AR: variants seen among roughly 807,000 people sequenced by gnomAD.
The protein encoded by AR is androgen receptor, also known as dihydrotestosterone receptor.
AR carries 8 observed loss-of-function variants against 53.9 expected under a neutral mutation model. The observed-to-expected ratio is 0.15, with a 90% confidence interval of 0.09 to 0.27. The LOEUF (loss-of-function observed/expected upper bound fraction) is 0.27, where lower values mean the gene tolerates loss of function less well. AR is among the 10% of genes least tolerant of loss of function. The pLI, the probability that AR is intolerant of heterozygous loss-of-function variation, is 1.00. For synonymous variants in AR, 359 were observed against 316.4 expected, an observed-to-expected ratio of 1.13 and a Z score of -1.43; for missense variants, 639 against 742.5, an observed-to-expected ratio of 0.86 and a Z score of 1.62.
At chrX:67,680,073 TATTTTG>T (rs775761969) in intron 2 of AR, among the ~76,000 whole-genome samples, 253 of 112,297 alleles carry the variant, frequency 2.3e-3, no homozygotes, top group African/African-American at 7.8e-3. Context: ...ATTTGGAATT[TATTTTG>T]ATTTTAACTA....
chrX:67,635,580 C>A (rs756357417), intron 1 of AR, among the ~76,000 whole-genome samples: 1 of 110,163 alleles, frequency 9.1e-6, no homozygotes, highest in East Asian at 2.9e-4. Flanking sequence ...GGAAAGGAGT[C>A]AGGGAGAGAG....
At chrX:67,660,326 C>T (rs185134364) in intron 2 of AR, among the ~76,000 whole-genome samples, 1,343 of 111,693 alleles carry the variant, frequency 0.012, 15 homozygotes, top group Non-Finnish European at 0.02. Flanking sequence ...AGGTTTTCTT[C>T]TAGGGTTTTT....
intron 1 of AR, among the ~76,000 whole-genome samples, chrX:67,566,439 G>T (rs1921561256): frequency 9.0e-6 from 1 of 111,700 alleles, no homozygotes; most frequent in South Asian, 3.7e-4. Context: ...CTTTTATTTG[G>T]GGTAAATGAA....
chrX:67,594,406 C>A (rs1922985072), intron 1 of AR, among the ~76,000 whole-genome samples: 1 of 111,898 alleles, frequency 8.9e-6, no homozygotes, highest in African/African-American at 3.2e-5. Context: ...CACAGCCCCC[C>A]TTTATAATAT....
intron 1 of AR, 98 bp from the exon 2 acceptor site, chrX:67,643,158 A>T: frequency 9.8e-7 from 1 of 1,016,864 alleles, no homozygotes; most frequent in Non-Finnish European, 1.4e-6. Flanking sequence ...AATAATAGTC[A>T]TTTATGCCTG....
At chrX:67,645,360 G>A (rs1365895307) in intron 2 of AR, among the ~76,000 whole-genome samples, 1 of 111,383 alleles carries the variant, frequency 9.0e-6, no homozygotes, top group Non-Finnish European at 1.9e-5. Context: ...AGCTGAAGGA[G>A]GGAGGCAGGC....
intron 2 of AR, among the ~76,000 whole-genome samples, chrX:67,659,922 A>T (rs1407551921): frequency 9.0e-6 from 1 of 111,716 alleles, no homozygotes; most frequent in Non-Finnish European, 1.9e-5. Flanking sequence ...AATTGGTGTG[A>T]GATGGTATCT....
chrX:67,561,384 G>A (rs1012540932), intron 1 of AR, among the ~76,000 whole-genome samples: 1 of 111,812 alleles, frequency 8.9e-6, no homozygotes, highest in African/African-American at 3.3e-5. Context: ...AGCAACTGCA[G>A]ATGGAAAATA....
chrX:67,569,932 A>T (rs1015710901), intron 1 of AR, among the ~76,000 whole-genome samples: 2 of 110,777 alleles, frequency 1.8e-5, no homozygotes, highest in Non-Finnish European at 3.8e-5. Flanking sequence ...GTATCTGCCT[A>T]CTTATCTTAG....
At chrX:67,708,339 T>G (rs894613531) in intron 3 of AR, among the ~76,000 whole-genome samples, 7 of 111,633 alleles carry the variant, frequency 6.3e-5, no homozygotes, top group African/African-American at 2.3e-4. Context: ...CTTTGTTCGT[T>G]TCTTTTTACT....
intron 2 of AR, among the ~76,000 whole-genome samples, chrX:67,657,964 A>G (rs1241200569): frequency 1.8e-5 from 2 of 111,885 alleles, no homozygotes; most frequent in Non-Finnish European, 3.8e-5. Flanking sequence ...CAGATAACCA[A>G]TCATGTGTTA....
intron 1 of AR, among the ~76,000 whole-genome samples, chrX:67,626,142 C>G (rs930839252): frequency 9.0e-6 from 1 of 110,928 alleles, no homozygotes; most frequent in Non-Finnish European, 1.9e-5. Flanking sequence ...TTCCCTTGTG[C>G]TATCAAATAC....
chrX:67,591,821 T>C (rs962496697), intron 1 of AR, among the ~76,000 whole-genome samples: 6 of 112,007 alleles, frequency 5.4e-5, no homozygotes, highest in Non-Finnish European at 1.1e-4. Context: ...TCTCCTTTGT[T>C]CTCACTGCTG....
chrX:67,548,279 A>G (rs1209912348), intron 1 of AR, among the ~76,000 whole-genome samples: 1 of 111,684 alleles, frequency 9.0e-6, no homozygotes, highest in Non-Finnish European at 1.9e-5. Context: ...ACAGCTTCTT[A>G]CCAGGCTTTA....
intron 1 of AR, among the ~76,000 whole-genome samples, chrX:67,548,337 T>G (rs777416519): frequency 3.6e-5 from 4 of 112,118 alleles, no homozygotes; most frequent in Non-Finnish European, 7.5e-5. Flanking sequence ...TTCAGAGGGT[T>G]CATTTGATAT....
chrX:67,592,774 T>C (rs1379395388), intron 1 of AR, among the ~76,000 whole-genome samples: 3 of 110,870 alleles, frequency 2.7e-5, no homozygotes, highest in Non-Finnish European at 5.7e-5. Flanking sequence ...TTCAAGCATA[T>C]CCTAAAAGGA....
At chrX:67,701,103 A>G (rs773340710) in intron 3 of AR, among the ~76,000 whole-genome samples, 1 of 112,299 alleles carries the variant, frequency 8.9e-6, no homozygotes, top group African/African-American at 3.2e-5. Context: ...ACAATATAAT[A>G]CAGCCACTAA....
chrX:67,722,943 C>T lies in AR; in HGVS notation c.2566C>T (p.Arg856Cys), dbSNP rs886041132. 1 of 1,211,672 alleles carries T rather than the reference C, an allele frequency of 8.3e-7. No individual in the cohort carries two copies. Among genetic ancestry groups the T allele is most frequent in the Non-Finnish European group, 1.1e-6 (1 of 895,437 alleles). The change falls in exon 7 of 8, where the codon CGC becomes TGC. Residue 856 changes from arginine (R) to cysteine (C), a missense_variant. Physicochemically the swap from Arg to Cys is radical, Grantham distance 180. Coordinates refer to ENST00000374690, the MANE Select transcript of AR (RefSeq NM_000044.6). ...KRKNPTSCSR[R>C]FYQLTKLLDS... ...AAAAAATCCCACATCCTGCTCAAGACGCTTCTACCAGCTCACCAAGCTCCT... is the reference window on the plus strand; with the variant it reads ...AAAAAATCCCACATCCTGCTCAAGATGCTTCTACCAGCTCACCAAGCTCCT...
intron 1 of AR, among the ~76,000 whole-genome samples, chrX:67,585,681 G>A (rs780985071): frequency 2.7e-5 from 3 of 112,155 alleles, no homozygotes; most frequent in Non-Finnish European, 5.6e-5. Flanking sequence ...CAAGTAAGAA[G>A]GTTTAAAAAT....
Sources: allele counts gnomAD v4.1 joint callset (sites outside exome capture counted in the v4.1 genomes callset), GRCh38; gene constraint gnomAD v4.1.1; transcripts MANE v1.5; gene names NCBI Gene and HGNC (gene_info 2026-07-23, HGNC 2026-07-21).